The following SLC4A4 variants were observed in gnomAD, a reference collection of about 807,000 sequenced individuals.
SLC4A4 encodes the protein solute carrier family 4 member 4.
A neutral mutation model predicts 111.5 loss-of-function variants in SLC4A4; 27 were observed. That is an observed-to-expected ratio of 0.24 (90% CI 0.18 to 0.33). SLC4A4 has a LOEUF of 0.33. Among genes scored for constraint, SLC4A4 ranks in the 10% least tolerant of loss-of-function variants. The pLI is 1.00. For synonymous variants in SLC4A4, 443 were observed against 463.4 expected, an observed-to-expected ratio of 0.96 and a Z score of 0.57; for missense variants, 909 against 1,315.5, an observed-to-expected ratio of 0.69 and a Z score of 4.78.
chr4:71,534,585 T>C (rs1404817678), intron 18 of SLC4A4, among the ~76,000 whole-genome samples, 197 bp downstream of exon 18: 1 of 133,716 alleles, frequency 7.5e-6, no homozygotes, highest in Admixed American at 7.1e-5. Flanking sequence ...CATTTAAATC[T>C]GAAAAAAAAA....
chr4:71,139,370 C>A (rs189718785), intron 2 of SLC4A4, among the ~76,000 whole-genome samples: 1 of 152,188 alleles, frequency 6.6e-6, no homozygotes, highest in South Asian at 2.1e-4. Flanking sequence ...CATCCATTTA[C>A]AACACCTGCC....
intron 3 of SLC4A4, among the ~76,000 whole-genome samples, chr4:71,335,756 C>T (rs1223074475): frequency 2.0e-5 from 3 of 151,598 alleles, no homozygotes; most frequent in Admixed American, 1.3e-4. Flanking sequence ...ACCCGGGAGG[C>T]GGAGCTTGCA....
intron 6 of SLC4A4, among the ~76,000 whole-genome samples, chr4:71,373,859 G>A (rs1732103176): frequency 6.6e-6 from 1 of 152,136 alleles, no homozygotes; most frequent in Admixed American, 6.5e-5. Flanking sequence ...ATAACTGACT[G>A]AATGTTAGGG....
intron 1 of SLC4A4, among the ~76,000 whole-genome samples, chr4:71,193,490 G>GT (rs1745848283): frequency 6.6e-6 from 1 of 152,162 alleles, no homozygotes; most frequent in African/African-American, 2.4e-5. Context: ...TGTTTTCCCA[G>GT]TTTAATTGAT....
intron 6 of SLC4A4, among the ~76,000 whole-genome samples, chr4:71,370,822 A>G (rs1731802438): frequency 6.6e-6 from 1 of 152,244 alleles, no homozygotes; most frequent in African/African-American, 2.4e-5. Context: ...GTGTCAAGGA[A>G]ATTGACCAAA....
intron 3 of SLC4A4, among the ~76,000 whole-genome samples, chr4:71,312,795 G>C (rs1217173858): frequency 6.6e-6 from 1 of 152,180 alleles, no homozygotes; most frequent in Non-Finnish European, 1.5e-5. Flanking sequence ...AGCTATTTAT[G>C]ATAAACCCAT....
chr4:71,078,800 T>C (rs1741915245), intron 1 of SLC4A4, among the ~76,000 whole-genome samples: 1 of 152,066 alleles, frequency 6.6e-6, no homozygotes, highest in African/African-American at 2.4e-5. Context: ...GGGATTTGTA[T>C]AACAGGTGTT....
intron 14 of SLC4A4, among the ~76,000 whole-genome samples, chr4:71,484,503 C>G (rs1729185728): frequency 6.6e-6 from 1 of 151,790 alleles, no homozygotes; most frequent in South Asian, 2.1e-4. Context: ...TTTCTGGATT[C>G]TCTATTCTGA....
intron 12 of SLC4A4, among the ~76,000 whole-genome samples, chr4:71,455,822 A>G (rs1726209287): frequency 6.6e-6 from 1 of 152,156 alleles, no homozygotes; most frequent in East Asian, 1.9e-4. Flanking sequence ...GACTGTAGAG[A>G]AGAAGTCTGT....
chr4:71,394,263 A>G lies in SLC4A4; in HGVS notation c.731-3314A>G, dbSNP rs1285887580. On this transcript the variant is annotated intron_variant, in intron 6 of 25. Transcript: ENST00000264485. ...TCTCCACATTCTACACATCTGACAG[A>G]GGACTAATATCCAGGATCTACAACA... Among the ~76,000 whole-genome samples, 12 of 152,286 alleles carry G rather than the reference A, an allele frequency of 7.9e-5. No individual in the cohort carries two copies. In the East Asian group the frequency reaches 2.3e-3, roughly 29 times the overall value.
At chr4:71,063,781 C>A (rs1291369354) in intron 1 of SLC4A4, among the ~76,000 whole-genome samples, 1 of 151,962 alleles carries the variant, frequency 6.6e-6, no homozygotes, top group East Asian at 1.9e-4. Context: ...AACAATTTTG[C>A]CACTAGGAAA....
At chr4:71,078,085 T>G (rs1444181779) in intron 1 of SLC4A4, among the ~76,000 whole-genome samples, 1 of 152,074 alleles carries the variant, frequency 6.6e-6, no homozygotes, top group Non-Finnish European at 1.5e-5. Flanking sequence ...ATATTCTGTG[T>G]AAAAAAGATA....
intron 3 of SLC4A4, among the ~76,000 whole-genome samples, chr4:71,268,522 C>T (rs1722470391): frequency 6.6e-6 from 1 of 152,176 alleles, no homozygotes. Flanking sequence ...ATAGTTAGGA[C>T]AAGAGGAGAC....
rs151165247 is a variant in SLC4A4 at position 71,408,179 on chromosome 4, A to G, written c.807+10526A>G. Among the ~76,000 whole-genome samples, 185 of 152,316 alleles carry G rather than the reference A, an allele frequency of 1.2e-3. 6 individuals are homozygous for G. The East Asian group carries it at 0.032, about 27-fold the overall frequency. On this transcript the variant is annotated intron_variant, in intron 7 of 25. Coordinates refer to ENST00000264485, the MANE Select transcript of SLC4A4 (RefSeq NM_001098484.3). ...AATGACATCCAGAGTATCAGCACAT[A>G]ACATTGAGTATTTTAATCACTGTGG...
intron 6 of SLC4A4, among the ~76,000 whole-genome samples, chr4:71,358,930 G>T (rs543731416): frequency 6.6e-6 from 1 of 151,958 alleles, no homozygotes; most frequent in Non-Finnish European, 1.5e-5. Flanking sequence ...GATTTAATTC[G>T]TTTATCATGG....
chr4:71,481,123 A>G (rs1336148353), intron 14 of SLC4A4, among the ~76,000 whole-genome samples: 1 of 151,764 alleles, frequency 6.6e-6, no homozygotes, highest in African/African-American at 2.4e-5. Context: ...CATGTGGTCA[A>G]GAGGTGTGAA....
intron 1 of SLC4A4, among the ~76,000 whole-genome samples, chr4:71,219,573 AAGT>A (rs1718620777): frequency 6.6e-6 from 1 of 152,212 alleles, no homozygotes; most frequent in Non-Finnish European, 1.5e-5. Context: ...TTCGACTTTC[AAGT>A]CTTATATTTA....
rs763064832 is a variant in SLC4A4 at position 71,314,547 on chromosome 4, G to GA, written c.254-24819dup. Among the ~76,000 whole-genome samples, 10 of 152,152 alleles carry GA rather than the reference G, an allele frequency of 6.6e-5. No homozygotes were observed. In the South Asian group the frequency reaches 2.1e-3, roughly 32 times the overall value. On this transcript the variant is annotated intron_variant, in intron 3 of 25. Transcript: ENST00000264485. ...GACCATCAGTGATTGACTGGATATA[G>GA]AAAATGTGGCACATATACAGCATGG...
chr4:71,344,612 C>T (rs914558061), intron 4 of SLC4A4, among the ~76,000 whole-genome samples: 2 of 152,126 alleles, frequency 1.3e-5, no homozygotes, highest in East Asian at 1.9e-4. Context: ...AGAGCTAACT[C>T]TCCAGACTTC....
Sources: allele counts gnomAD v4.1 joint callset (sites outside exome capture counted in the v4.1 genomes callset), GRCh38; gene constraint gnomAD v4.1.1; transcripts MANE v1.5; gene names NCBI Gene and HGNC (gene_info 2026-07-23, HGNC 2026-07-21).